Variants in AATK observed in about 807,000 individuals in gnomAD.
AATK encodes the protein lemur tail kinase 1.
A neutral mutation model predicts 114.3 loss-of-function variants in AATK; 91 were observed. That is an observed-to-expected ratio of 0.80 (90% CI 0.67 to 0.95). AATK has a LOEUF of 0.95. Ranked by LOEUF, AATK falls within the 40% of genes least tolerant of loss-of-function variation. The pLI, the probability that AATK is intolerant of heterozygous loss-of-function variation, is 0.00. For synonymous variants in AATK, 1,075 were observed against 916.5 expected (o/e 1.17, Z -3.12); for missense variants, 2,176 against 1,965.2 (o/e 1.11, Z -2.03).
chr17:81,132,085 A>G, intron 2 of AATK: 1 of 1,218,658 alleles, frequency 8.2e-7, no homozygotes. Flanking sequence ...CCCCAAGTCC[A>G]GGGCACATTC....
intron 10 of AATK, 22 bp downstream of exon 10, chr17:81,123,172 G>A (rs773463030): frequency 4.6e-5 from 65 of 1,420,798 alleles, no homozygotes; most frequent in South Asian, 7.4e-5. Context: ...GGCTGTCCGG[G>A]ACAGGGCAGT....
At chr17:81,127,756 G>C (rs553260235) in intron 5 of AATK, 36 bp downstream of exon 5, 7 of 1,497,712 alleles carry the variant, frequency 4.7e-6, no homozygotes, top group Non-Finnish European at 6.4e-6. Flanking sequence ...GGAGGGGGCC[G>C]CACAGCACAG....
chr17:81,119,329 C>A, intron 13 of AATK, 51 bp downstream of exon 13: 2 of 1,505,068 alleles, frequency 1.3e-6, no homozygotes, highest in Non-Finnish European at 1.8e-6. Context: ...CTCGGAGCTC[C>A]GTGCCCTGCC....
intron 10 of AATK, 39 bp from the exon 11 acceptor site, chr17:81,122,862 G>C (rs186161763): frequency 7.1e-7 from 1 of 1,410,016 alleles, no homozygotes; most frequent in Non-Finnish European, 9.3e-7. Flanking sequence ...CAGAGGCAAC[G>C]CTGGCCAGGA....
Position 81,118,308 on chromosome 17 carries a change from G to A in AATK, c.*94C>T. On this transcript the variant is annotated 3_prime_UTR_variant, in exon 14 of 14. Coordinates refer to ENST00000326724, the MANE Select transcript of AATK (RefSeq NM_001080395.3). The stretch of plus-strand genomic sequence containing the variant: ...CTGAATCTGCTGCCAACAGCCACCA[G>A]GACGTGGTCCCCACCTTCTCGGTCA... 2 of 1,352,880 alleles carry A rather than the reference G, an allele frequency of 1.5e-6. No homozygotes were observed. Among genetic ancestry groups the A allele is most frequent in the South Asian group, 1.3e-5 (1 of 76,724 alleles). The allele number at this position is 1,352,880 out of a possible 1,614,324, so 83.8% of individuals were successfully genotyped here. A position where few individuals can be genotyped will look rare whatever the true frequency, so the allele number is the denominator to read the frequency against.
At chr17:81,119,240 AGGAGCGGGGCCGGGAAGGAGCGGAGC>A (rs1414725718) in intron 13 of AATK, 114 bp downstream of exon 13, 61 of 231,196 alleles carry the variant, frequency 2.6e-4, no homozygotes, top group South Asian at 7.1e-4. Flanking sequence ...GGGGCCGGGA[AGGAGCGGGGCCGGGAAGGAGCGGAGC>A]GGAGCGGAGC....
intron 3 of AATK, chr17:81,128,859 C>T: frequency 8.4e-7 from 1 of 1,185,872 alleles, no homozygotes; most frequent in Non-Finnish European, 1.1e-6. Context: ...CGACCCGTCA[C>T]ATGGGCTGCA....
At chr17:81,123,065 C>A in intron 10 of AATK, 129 bp downstream of exon 10, 1 of 1,138,030 alleles carries the variant, frequency 8.8e-7, no homozygotes, top group Non-Finnish European at 1.2e-6. Context: ...CGGGTGGAGG[C>A]CCTACCAGAG....
In AATK at chr17:81,122,092, C is replaced by T. The variant is rs550543841; in HGVS notation, c.1844G>A (p.Gly615Glu). The T allele has an allele frequency of 3.2e-6, 5 of 1,579,136 alleles. No homozygotes were observed. In the Admixed American group the frequency reaches 5.2e-5, roughly 16 times the overall value. ...CPSRSPSPSA[G>E]PLSLAEGGAE... ...TCCTCCCTCCGCCAGACTCAGGGGC[C>T]CCGCCGAGGGCGAGGGAGAGCGTGA... The change falls in exon 11 of 14, where the codon GGG becomes GAG. Residue 615 changes from glycine to glutamate, a missense_variant. By Grantham distance (98) the Gly-to-Glu change is moderately conservative. Transcript: ENST00000326724.
Position 81,121,722 on chromosome 17 carries a change from C to T in AATK, c.2214G>A (p.Glu738=). Residue 738 remains glutamate, a synonymous_variant, in exon 11 of 14, where the codon GAG becomes GAA. Transcript: ENST00000326724. ...LLGLQAASAQ[E]PGCCPGLPHL... ...GAGGGAGGCCGGGGCAGCAGCCTGG[C>T]TCCTGGGCAGAGGCTGCCTGGAGCC... 5 of 1,496,356 alleles carry T rather than the reference C, an allele frequency of 3.3e-6. No homozygotes were observed. Among genetic ancestry groups the T allele is most frequent in the Non-Finnish European group, 4.4e-6 (5 of 1,127,756 alleles). 92.7% of individuals were successfully genotyped at this position (1,496,356 alleles called of 1,614,324 possible). A position where few individuals can be genotyped will look rare whatever the true frequency, so the allele number is the denominator to read the frequency against.
intron 1 of AATK, chr17:81,160,319 G>T: frequency 1.3e-6 from 1 of 764,978 alleles, no homozygotes; most frequent in Non-Finnish European, 1.6e-6. Context: ...GCCCGCCCCA[G>T]CCCCACCCAA....
intron 3 of AATK, among the ~76,000 whole-genome samples, chr17:81,129,967 C>T (rs1028088343): frequency 6.6e-6 from 1 of 152,242 alleles, no homozygotes; most frequent in Non-Finnish European, 1.5e-5. Context: ...GCGTTGAGGC[C>T]TTGGCTCCAA....
At position 81,120,835 on chromosome 17, in the gene AATK, G is replaced by T; in HGVS notation, c.3101C>A (p.Ser1034Tyr). The T allele has an allele frequency of 6.3e-7, 1 of 1,578,830 alleles. No homozygotes were observed. The highest frequency in any genetic ancestry group is 8.6e-7 in the Non-Finnish European group (1 of 1,162,786). The change falls in exon 11 of 14, where the codon TCT becomes TAT. Residue 1034 changes from serine (S) to tyrosine (Y), a missense_variant. Coordinates refer to ENST00000326724, the MANE Select transcript of AATK (RefSeq NM_001080395.3). ...ELGLPSTGQP[S>Y]EQVCLRPGVS... ...CCCAGGCCTGAGACAGACCTGCTCA[G>T]ACGGCTGCCCAGTGCTCGGCAGGCC... is the stretch of plus-strand genomic sequence containing the variant.
At chr17:81,151,637 T>C (rs1340311561) in intron 1 of AATK, among the ~76,000 whole-genome samples, 1 of 152,030 alleles carries the variant, frequency 6.6e-6, no homozygotes, top group Non-Finnish European at 1.5e-5. Flanking sequence ...TGGGAGTGAT[T>C]AAGGAGGGGC....
rs761633347 is a variant in AATK, at chr17:81,120,848, T to A, written c.3088A>T (p.Thr1030Ser). The A allele has an allele frequency of 2.3e-5, 37 of 1,579,598 alleles. No homozygotes were observed. In the East Asian group the frequency reaches 8.4e-4, roughly 36 times the overall value. The change falls in exon 11 of 14, where the codon ACT becomes TCT. Residue 1030 changes from threonine to serine, a missense_variant. Thr to Ser is a moderately conservative substitution (Grantham distance 58, BLOSUM62 1). Around this residue, in one of 4 missense-constraint regions of AATK, gnomAD observed 1,701 missense variants for 1,394.7 expected, o/e 1.22. Transcript: ENST00000326724. Reference sequence around the variant, plus strand: ...CAGACCTGCTCAGACGGCTGCCCAGTGCTCGGCAGGCCCAGCTCTGGCCCG... The same window carrying A: ...CAGACCTGCTCAGACGGCTGCCCAGAGCTCGGCAGGCCCAGCTCTGGCCCG... The part of the protein sequence containing the change: ...APGPELGLPS[T>S]GQPSEQVCLR...
chr17:81,137,911 GGCACACGT>G (rs372420670), intron 1 of AATK, among the ~76,000 whole-genome samples: 32 of 85,810 alleles, frequency 3.7e-4, no homozygotes, highest in African/African-American at 1.1e-3. Context: ...CATACACACG[GGCACACGT>G]GCACACAGCC....
At chr17:81,159,096 G>C (rs1439464004) in intron 1 of AATK, among the ~76,000 whole-genome samples, 1 of 152,212 alleles carries the variant, frequency 6.6e-6, no homozygotes, top group Admixed American at 6.5e-5. Flanking sequence ...CGGGCATGGG[G>C]CTTCTGTCAG....
chr17:81,120,461 C>T lies in AATK; in HGVS notation c.3475G>A (p.Glu1159Lys), dbSNP rs1041556592. The T allele has an allele frequency of 2.6e-6, 4 of 1,539,510 alleles. No homozygotes were observed. The highest frequency in any genetic ancestry group is 2.7e-5 in the African/African-American group (2 of 72,974). ...TCCTCACTGTCCTCCTCCTCCTCCT[C>T]CGGCCGGCCCTCCAAGGCCGCAGGG... is the stretch of plus-strand genomic sequence containing the variant. ...GLPAALEGRP[E>K]EEEEDSEDSD... The change falls in exon 11 of 14, where the codon GAG becomes AAG. Residue 1159 changes from glutamate to lysine, a missense_variant. By Grantham distance (56) the Glu-to-Lys change is moderately conservative (BLOSUM62 1). Coordinates refer to ENST00000326724, the MANE Select transcript of AATK (RefSeq NM_001080395.3).
rs1377659658 is a variant in AATK, at chr17:81,122,241, G to A, written c.1695C>T (p.Asp565=). 7.4e-6 allele frequency: 11 copies of A among 1,493,122 alleles called. No homozygotes were observed. Among genetic ancestry groups the A allele is most frequent in the South Asian group, 1.3e-5 (1 of 79,250 alleles). 92.5% of individuals were successfully genotyped at this position (1,493,122 alleles called of 1,614,324 possible). ...TGGCCAGCGAGGCGGCGGTGCTGCC[G>A]TCAGAGTCGTCGTCCTGGTCCGCGG... is the stretch of plus-strand genomic sequence containing the variant. ...PATADQDDDS[D]GSTAASLAME... Residue 565 remains aspartate (D), a synonymous_variant, in exon 11 of 14, where the codon GAC becomes GAT. Transcript: ENST00000326724.
Sources: allele counts gnomAD v4.1 joint callset (sites outside exome capture counted in the v4.1 genomes callset), GRCh38; gene constraint gnomAD v4.1.1; regional missense constraint gnomAD v4.1.1; transcripts MANE v1.5; gene names NCBI Gene and HGNC (gene_info 2026-07-23, HGNC 2026-07-21).